WASF3: variants seen among roughly 807,000 people sequenced by gnomAD.
The protein encoded by WASF3 is actin-binding protein WASF3.
Under a neutral mutation model 46.6 loss-of-function variants are expected in WASF3, and 11 were observed. That is an observed-to-expected ratio of 0.24 (90% CI 0.15 to 0.39). The LOEUF is 0.39. WASF3 is among the 10% of genes least tolerant of loss of function. WASF3 has a pLI of 1.00. For missense variants in WASF3, 576 were observed against 669.8 expected (o/e 0.86, Z 1.55); for synonymous variants, 242 against 259.7 (o/e 0.93, Z 0.65).
intron 3 of WASF3, among the ~76,000 whole-genome samples, chr13:26,652,548 GT>G (rs1328064956): frequency 4.7e-4 from 72 of 152,294 alleles, no homozygotes; most frequent in African/African-American, 1.6e-3. Flanking sequence ...AAACTCCCAA[GT>G]TGTAGAATAC....
chr13:26,677,465 A>G (rs2476713), intron 7 of WASF3, among the ~76,000 whole-genome samples: 39,998 of 152,148 alleles, frequency 0.26, 5,874 homozygotes, highest in East Asian at 0.57. Context: ...TTGAATAGAG[A>G]ATTCTTACAA....
intron 1 of WASF3, among the ~76,000 whole-genome samples, chr13:26,585,048 T>C (rs1363984547): frequency 6.7e-6 from 1 of 150,256 alleles, no homozygotes; most frequent in East Asian, 2.0e-4. Flanking sequence ...CCATAAATAA[T>C]ATCATTTTCC....
chr13:26,599,184 CTTTTTT>C (rs57148941), intron 1 of WASF3, among the ~76,000 whole-genome samples: 4 of 118,292 alleles, frequency 3.4e-5, no homozygotes, highest in Admixed American at 9.9e-5. Flanking sequence ...CTTTTCATTT[CTTTTTT>C]TTTTTTTTTT....
At position 26,687,801 on chromosome 13, in the gene WASF3, C is replaced by G. The variant is rs186760491; in HGVS notation, c.*1956C>G. The G allele has an allele frequency of 1.4e-5, 2 of 147,250 alleles. No individual in the cohort carries two copies. Among genetic ancestry groups the G allele is most frequent in the Non-Finnish European group, 3.0e-5 (2 of 67,180 alleles). 9.1% of individuals were successfully genotyped at this position (147,250 alleles called of 1,614,324 possible). A position where few individuals can be genotyped will look rare whatever the true frequency, so the allele number is the denominator to read the frequency against. ...TTAGGACTTCTGCAACTTTTAAAGT[C>G]TTACTTGTCTTTCTTGTTGCTTTTG... On this transcript the variant is annotated 3_prime_UTR_variant, in exon 10 of 10. Coordinates refer to ENST00000335327, the MANE Select transcript of WASF3 (RefSeq NM_006646.6).
upstream of WASF3, among the ~76,000 whole-genome samples, chr13:26,552,880 A>G (rs1879000770): frequency 6.6e-6 from 1 of 152,198 alleles, no homozygotes; most frequent in Non-Finnish European, 1.5e-5. Context: ...AATTAAGCAA[A>G]TCACTGAGGG....
chr13:26,669,342 C>G (rs1316746642), intron 5 of WASF3, among the ~76,000 whole-genome samples: 2 of 137,438 alleles, frequency 1.5e-5, no homozygotes, highest in African/African-American at 2.8e-5. Flanking sequence ...CTCCTGATAT[C>G]TTTGACTTTT....
At chr13:26,638,744 C>T (rs572832086) in intron 2 of WASF3, 32 of 152,298 alleles carry the variant, frequency 2.1e-4, no homozygotes, top group Admixed American at 1.2e-3. Flanking sequence ...TGTTAGAGTA[C>T]GCTATGGTTT....
chr13:26,550,243 A>G, the WASF3 span, among the ~76,000 whole-genome samples: 4 of 152,178 alleles, frequency 2.6e-5, no homozygotes, highest in Admixed American at 2.6e-4. Flanking sequence ...ATTGGAAAAC[A>G]TAGACTTATC....
intron 5 of WASF3, among the ~76,000 whole-genome samples, chr13:26,670,312 A>G (rs1264280657): frequency 1.3e-5 from 2 of 152,038 alleles, no homozygotes; most frequent in South Asian, 2.1e-4. Context: ...ACATATGGGC[A>G]CAGGGAGGGG....
intron 3 of WASF3, among the ~76,000 whole-genome samples, chr13:26,652,565 C>A (rs887595902): frequency 6.6e-6 from 1 of 152,162 alleles, no homozygotes; most frequent in South Asian, 2.1e-4. Flanking sequence ...AATACACATT[C>A]TTTTAATTTC....
At chr13:26,556,895 T>C (rs481220), upstream of WASF3, among the ~76,000 whole-genome samples, 1 of 151,980 alleles carries the variant, frequency 6.6e-6, no homozygotes, top group Admixed American at 6.5e-5. Flanking sequence ...ACATTTCTAT[T>C]AGATGTTTTT....
chr13:26,650,273 A>C (rs996853078), intron 3 of WASF3, among the ~76,000 whole-genome samples: 10 of 152,212 alleles, frequency 6.6e-5, no homozygotes, highest in African/African-American at 2.4e-4. Flanking sequence ...TCACTAGAAG[A>C]CTGAGACCCC....
At chr13:26,627,761 A>G (rs1232384159) in intron 2 of WASF3, among the ~76,000 whole-genome samples, 1 of 152,010 alleles carries the variant, frequency 6.6e-6, no homozygotes, top group East Asian at 1.9e-4. Context: ...ATATATTTAT[A>G]TTTAAAATAG....
chr13:26,651,132 G>A (rs771020540), intron 3 of WASF3, among the ~76,000 whole-genome samples: 5 of 152,054 alleles, frequency 3.3e-5, no homozygotes, highest in Non-Finnish European at 5.9e-5. Flanking sequence ...GAGCAGCCTC[G>A]CCAACATGAT....
At chr13:26,631,735 G>A (rs1021475805) in intron 2 of WASF3, among the ~76,000 whole-genome samples, 10 of 152,226 alleles carry the variant, frequency 6.6e-5, no homozygotes, top group African/African-American at 2.2e-4. Context: ...TGATGGGGAT[G>A]GCATTGAATC....
intron 1 of WASF3, among the ~76,000 whole-genome samples, chr13:26,607,080 G>A (rs567937468): frequency 2.0e-5 from 3 of 152,294 alleles, no homozygotes; most frequent in African/African-American, 7.2e-5. Context: ...CTGTATAGGA[G>A]AAAATTTAGT....
chr13:26,683,072 C>T (rs1219420998), intron 9 of WASF3, 98 bp downstream of exon 9: 2 of 1,485,018 alleles, frequency 1.3e-6, no homozygotes, highest in African/African-American at 2.8e-5. Flanking sequence ...TGACTACTCA[C>T]TACGTTTTTT....
At chr13:26,591,493 G>A (rs1880292777) in intron 1 of WASF3, among the ~76,000 whole-genome samples, 1 of 152,086 alleles carries the variant, frequency 6.6e-6, no homozygotes, top group Admixed American at 6.5e-5. Flanking sequence ...GACAGTGAGG[G>A]AGGGAAATTA....
At chr13:26,683,097 G>A in intron 9 of WASF3, 123 bp downstream of exon 9, 1 of 1,355,110 alleles carries the variant, frequency 7.4e-7, no homozygotes, top group Admixed American at 2.5e-5. Context: ...TAGAGTTAAA[G>A]GGGTCTTACT....
Sources: gnomAD v4.1 joint callset for allele counts (sites outside exome capture counted in the v4.1 genomes callset) on GRCh38, gnomAD v4.1.1 for gene constraint, MANE v1.5 for transcripts, NCBI Gene and HGNC (gene_info 2026-07-23, HGNC 2026-07-21) for gene names.